Variants in SLC27A6 observed in about 807,000 individuals in gnomAD.
The protein encoded by SLC27A6 is long-chain fatty acid transport protein 6.
SLC27A6 carries 74 observed loss-of-function variants against 63.9 expected under a neutral mutation model. That is an observed-to-expected ratio of 1.16 (90% CI 0.96 to 1.40). SLC27A6 has a LOEUF of 1.40. SLC27A6 is among the 40% of genes most tolerant of loss of function. SLC27A6 has a pLI of 0.00. For synonymous variants in SLC27A6, 287 were observed against 260.8 expected, an observed-to-expected ratio of 1.10 and a Z score of -0.97; for missense variants, 794 against 732.9, an observed-to-expected ratio of 1.08 and a Z score of -0.96.
At chr5:128,978,986 T>A (rs1167925004) in intron 1 of SLC27A6, among the ~76,000 whole-genome samples, 3 of 152,146 alleles carry the variant, frequency 2.0e-5, no homozygotes, top group Non-Finnish European at 2.9e-5. Flanking sequence ...CTATATATCA[T>A]ACAGCCTAGG....
At chr5:128,989,091 G>A (rs1750888242) in intron 3 of SLC27A6, among the ~76,000 whole-genome samples, 1 of 152,172 alleles carries the variant, frequency 6.6e-6, no homozygotes, top group African/African-American at 2.4e-5. Context: ...GAGTATGGAA[G>A]CTGCATAAAT....
At chr5:129,020,623 C>A (rs571565724) in intron 5 of SLC27A6, among the ~76,000 whole-genome samples, 74 of 152,114 alleles carry the variant, frequency 4.9e-4, no homozygotes, top group African/African-American at 1.8e-3. Flanking sequence ...AATAAAATGG[C>A]TCATTTCTTT....
intron 1 of SLC27A6, among the ~76,000 whole-genome samples, chr5:128,981,169 G>C (rs1054747797): frequency 6.6e-6 from 1 of 152,124 alleles, no homozygotes; most frequent in Non-Finnish European, 1.5e-5. Flanking sequence ...TGTAGACTTT[G>C]TTAAAGGTCA....
rs1196368694 is a variant in SLC27A6 at position 129,027,275 on chromosome 5, A to C, written c.1398A>C (p.Ile466=). The C allele has an allele frequency of 1.2e-6, 2 of 1,613,028 alleles. No individual in the cohort carries two copies. The highest frequency in any genetic ancestry group is 1.7e-6 in the Non-Finnish European group (2 of 1,179,226). The change falls in exon 7 of 10, where the codon ATA becomes ATC. Residue 466 remains isoleucine (I), a synonymous_variant. Transcript: ENST00000262462. ...TTTACCTTAATACTGGAGACTTAAT[A>C]GTCCAGGATCAGGACAATTTCCTTT... The part of the protein sequence containing the change: ...GDVYLNTGDL[I]VQDQDNFLYF...
At chr5:128,988,901 A>G in intron 3 of SLC27A6, 143 bp downstream of exon 3, 1 of 607,696 alleles carries the variant, frequency 1.6e-6, no homozygotes. Context: ...TTATTTTAAA[A>G]AAACTACACA....
chr5:129,007,901 TAATC>T (rs1211424296), intron 4 of SLC27A6, among the ~76,000 whole-genome samples: 3 of 152,106 alleles, frequency 2.0e-5, no homozygotes, highest in Non-Finnish European at 4.4e-5. Flanking sequence ...AATTATATGA[TAATC>T]AAAAGCATGG....
chr5:128,977,620 C>A (rs1438745580), intron 1 of SLC27A6, among the ~76,000 whole-genome samples: 1 of 152,166 alleles, frequency 6.6e-6, no homozygotes, highest in Non-Finnish European at 1.5e-5. Flanking sequence ...TCCCATGCCA[C>A]CTTGCCTAGA....
At chr5:129,025,793 T>C (rs952445199) in intron 6 of SLC27A6, among the ~76,000 whole-genome samples, 3 of 152,100 alleles carry the variant, frequency 2.0e-5, no homozygotes, top group South Asian at 2.1e-4. Context: ...CAGTGACCTA[T>C]GTGCCCTTGA....
In SLC27A6 at chr5:129,033,300, C is replaced by T. The variant is rs750327938; in HGVS notation, c.*18C>T. The stretch of plus-strand genomic sequence containing the variant: ...AACTTTAAGATTTTTATATCTAGAA[C>T]TTTCATATGCTTTCTTAGGAAGAGT... On this transcript the variant is annotated 3_prime_UTR_variant, in exon 10 of 10. Transcript: ENST00000262462. The T allele has an allele frequency of 7.0e-7, 1 of 1,436,570 alleles. No individual in the cohort carries two copies. The allele number at this position is 1,436,570 out of a possible 1,614,324, so 89.0% of individuals were successfully genotyped here.
rs945114844 is a variant in SLC27A6 at position 129,028,862 on chromosome 5, T to A, written c.1552+420T>A. 1.2e-4 allele frequency among the ~76,000 whole-genome samples: 19 copies of A among 152,176 alleles called. 1 individual carries two copies. Among genetic ancestry groups the A allele is most frequent in the African/African-American group, 4.6e-4 (19 of 41,562 alleles). ...CTCTTTATAAAAATTATTTTTAAAT[T>A]TGGACTCATTATCCTTATAGTTATG... On this transcript the variant is annotated intron_variant, in intron 8 of 9. Transcript: ENST00000262462.
intron 4 of SLC27A6, among the ~76,000 whole-genome samples, chr5:129,011,352 A>C (rs1751722047): frequency 2.0e-5 from 3 of 152,148 alleles, no homozygotes; most frequent in Admixed American, 2.0e-4. Context: ...ATGTTTGTAA[A>C]TGTTTGTTGC....
intron 1 of SLC27A6, among the ~76,000 whole-genome samples, chr5:128,973,480 T>C (rs1473238280): frequency 6.6e-6 from 1 of 152,178 alleles, no homozygotes; most frequent in African/African-American, 2.4e-5. Flanking sequence ...TCAGCAGTGG[T>C]GGACTCCCCT....
intron 1 of SLC27A6, among the ~76,000 whole-genome samples, chr5:128,971,601 T>C (rs1443798087): frequency 6.6e-6 from 1 of 151,996 alleles, no homozygotes; most frequent in Non-Finnish European, 1.5e-5. Flanking sequence ...TTTTTTTGTT[T>C]TCCATTTGGT....
intron 1 of SLC27A6, among the ~76,000 whole-genome samples, chr5:128,968,293 G>A (rs1749990328): frequency 6.6e-6 from 1 of 152,040 alleles, no homozygotes; most frequent in Non-Finnish European, 1.5e-5. Context: ...GGGATGGCTG[G>A]GTCAAATGGT....
rs780459732 is a variant in SLC27A6, at chr5:128,966,528, G to A, written c.391G>A (p.Val131Met). The change falls in exon 1 of 10, where the codon GTG becomes ATG. Residue 131 changes from valine to methionine, a missense_variant. By Grantham distance (21) the Val-to-Met change is conservative. Coordinates refer to ENST00000262462, the MANE Select transcript of SLC27A6 (RefSeq NM_001017372.3). Reference protein sequence around the residue: ...VWFGLAKLGCVVAFLNTNIRS... With the variant: ...VWFGLAKLGCMVAFLNTNIRS... Reference sequence around the variant, plus strand: ...GTTCGGCCTCGCCAAGCTGGGCTGCGTGGTGGCCTTTCTCAACACCAACAT... The same window carrying A: ...GTTCGGCCTCGCCAAGCTGGGCTGCATGGTGGCCTTTCTCAACACCAACAT... The A allele has an allele frequency of 1.3e-6, 2 of 1,597,502 alleles. No homozygotes were observed. Among genetic ancestry groups the A allele is most frequent in the South Asian group, 1.1e-5 (1 of 87,808 alleles).
chr5:128,987,380 T>A (rs1750824854), intron 2 of SLC27A6, among the ~76,000 whole-genome samples: 1 of 152,148 alleles, frequency 6.6e-6, no homozygotes, highest in Admixed American at 6.5e-5. Context: ...ATATTTTGTT[T>A]GTTTATTTTG....
chr5:128,998,774 G>T (rs1005688910), intron 4 of SLC27A6, among the ~76,000 whole-genome samples: 21 of 152,042 alleles, frequency 1.4e-4, no homozygotes, highest in African/African-American at 5.1e-4. Context: ...GAACTTCCTT[G>T]CTATGAACAC....
chr5:129,018,329 A>G (rs532862898), intron 5 of SLC27A6, among the ~76,000 whole-genome samples: 20 of 152,176 alleles, frequency 1.3e-4, no homozygotes, highest in Non-Finnish European at 2.4e-4. Flanking sequence ...TTTCTAATCC[A>G]TGGTGATTTT....
chr5:129,009,375 G>A (rs966235816), intron 4 of SLC27A6, among the ~76,000 whole-genome samples: 6 of 151,802 alleles, frequency 4.0e-5, no homozygotes, highest in African/African-American at 7.3e-5. Context: ...TTTAACTGTC[G>A]TCTACCTGGC....
Sources: gnomAD v4.1 joint callset for allele counts (sites outside exome capture counted in the v4.1 genomes callset) on GRCh38, gnomAD v4.1.1 for gene constraint, MANE v1.5 for transcripts, NCBI Gene and HGNC (gene_info 2026-07-23, HGNC 2026-07-21) for gene names.